STYXL1: variants seen among roughly 807,000 people sequenced by gnomAD.
STYXL1 encodes the protein serine/threonine/tyrosine-interacting-like protein 1.
Under a neutral mutation model 36.4 loss-of-function variants are expected in STYXL1, and 32 were observed. That is an observed-to-expected ratio of 0.88 (90% confidence interval 0.66 to 1.18). The LOEUF (loss-of-function observed/expected upper bound fraction) is 1.18. Among genes scored for constraint, STYXL1 ranks in the 50% most tolerant of loss-of-function variants. STYXL1 has a pLI of 0.00. For missense variants in STYXL1, 354 were observed against 394.1 expected (o/e 0.90, Z 0.86); for synonymous variants, 133 against 144.1 (o/e 0.92, Z 0.55).
intron 4 of STYXL1, among the ~76,000 whole-genome samples, chr7:76,016,610 C>T (rs1488778626): frequency 6.6e-6 from 1 of 152,034 alleles, no homozygotes; most frequent in Non-Finnish European, 1.5e-5. Flanking sequence ...AAAAGACATA[C>T]AAGCAGCCAA....
At chr7:76,022,141 T>C (rs1424799203) in intron 3 of STYXL1, 149 bp from the exon 4 acceptor site, 1 of 1,437,182 alleles carries the variant, frequency 7.0e-7, no homozygotes. Flanking sequence ...ACTGAGACAG[T>C]GGATGGAGAG....
chr7:76,018,435 G>A (rs1793660682), intron 4 of STYXL1, among the ~76,000 whole-genome samples: 1 of 151,214 alleles, frequency 6.6e-6, no homozygotes, highest in Non-Finnish European at 1.5e-5. Flanking sequence ...CTGTTGTCCA[G>A]GCTAGAGTAC....
intron 7 of STYXL1, among the ~76,000 whole-genome samples, chr7:76,001,816 T>C (rs1027866653): frequency 1.3e-5 from 2 of 149,644 alleles, no homozygotes; most frequent in African/African-American, 5.0e-5. Flanking sequence ...TTTTTTTTTT[T>C]CAATATAGAC....
intron 3 of STYXL1, among the ~76,000 whole-genome samples, chr7:76,025,793 C>G (rs1563503035): frequency 6.6e-6 from 1 of 151,564 alleles, no homozygotes; most frequent in Non-Finnish European, 1.5e-5. Context: ...GTCTCAAAAA[C>G]ACAAAAAGAC....
intron 1 of STYXL1, among the ~76,000 whole-genome samples, chr7:76,038,546 C>A (rs560881408): frequency 2.0e-4 from 30 of 151,954 alleles, no homozygotes; most frequent in Middle Eastern, 3.4e-3. Flanking sequence ...CTGCCTCAGC[C>A]TCCTGAGTAG....
intron 4 of STYXL1, among the ~76,000 whole-genome samples, chr7:76,019,734 G>C (rs1189917808): frequency 6.6e-6 from 1 of 152,044 alleles, no homozygotes; most frequent in African/African-American, 2.4e-5. Flanking sequence ...TCTGCAGCCA[G>C]GCTGAGAGAG....
chr7:76,035,736 C>T lies in STYXL1; in HGVS notation c.-4-5209G>A, dbSNP rs568041189. ...CAAAACTAAAAGCTGGCTCCTAACC[C>T]ATCTGGTCTATGGCTCATACCCATC... On this transcript the variant is annotated intron_variant, in intron 1 of 8. Transcript: ENST00000359697. 2.5e-4 allele frequency among the ~76,000 whole-genome samples: 37 copies of T among 149,846 alleles called. 4 individuals are homozygous for T. The highest frequency in any genetic ancestry group is 8.5e-4 in the African/African-American group (35 of 41,090).
intron 3 of STYXL1, among the ~76,000 whole-genome samples, chr7:76,026,706 C>T (rs941982521): frequency 5.9e-5 from 9 of 152,150 alleles, no homozygotes; most frequent in Admixed American, 1.3e-4. Context: ...AAGGACAGAC[C>T]AGCAGTTACA....
At position 76,030,540 on chromosome 7, in the gene STYXL1, A is replaced by G. The variant is rs1554578976; in HGVS notation, c.-4-13T>C. The G allele has an allele frequency of 6.7e-7, 1 of 1,488,384 alleles. No homozygotes were observed. The highest frequency in any genetic ancestry group is 1.7e-5 in the Admixed American group (1 of 59,822). 92.2% of individuals were successfully genotyped at this position (1,488,384 alleles called of 1,614,324 possible). ...ACCAGGCATCCTGCTGGGAAGAATC[A>G]ATAACACACAAGGGTAACATAACTC... On this transcript the variant is annotated splice_polypyrimidine_tract_variant and intron_variant, in intron 1 of 8. Transcript: ENST00000359697.
chr7:76,020,435 G>C (rs1166694634), intron 4 of STYXL1, among the ~76,000 whole-genome samples: 1 of 152,156 alleles, frequency 6.6e-6, no homozygotes, highest in Non-Finnish European at 1.5e-5. Context: ...GGCTAATGAA[G>C]AACACAGCAG....
At chr7:76,031,424 T>A (rs1207014514) in intron 1 of STYXL1, among the ~76,000 whole-genome samples, 1 of 144,308 alleles carries the variant, frequency 6.9e-6, no homozygotes. Flanking sequence ...GCTTCAAAAA[T>A]GTATAGTTGG....
intron 8 of STYXL1, among the ~76,000 whole-genome samples, chr7:75,998,090 C>T (rs888506047): frequency 6.6e-6 from 1 of 152,078 alleles, no homozygotes; most frequent in Non-Finnish European, 1.5e-5. Flanking sequence ...TAGAAAAATC[C>T]ATCCTAAAAT....
At chr7:76,026,060 C>T (rs960379260) in intron 3 of STYXL1, among the ~76,000 whole-genome samples, 3 of 150,578 alleles carry the variant, frequency 2.0e-5, no homozygotes, top group Admixed American at 6.6e-5. Context: ...GGCATGGTGG[C>T]GGGCGCCTAT....
At chr7:76,038,585 C>T (rs1554581329) in intron 1 of STYXL1, among the ~76,000 whole-genome samples, 1 of 151,854 alleles carries the variant, frequency 6.6e-6, no homozygotes, top group Non-Finnish European at 1.5e-5. Context: ...GCCACCACGC[C>T]TGGCTTTTTT....
At chr7:76,028,853 G>C (rs568291881) in intron 2 of STYXL1, 150 bp from the exon 3 acceptor site, 5 of 721,308 alleles carry the variant, frequency 6.9e-6, no homozygotes, top group Non-Finnish European at 9.6e-6. Context: ...GGCTGGGCGC[G>C]GTGGCATGCA....
At chr7:76,005,585 C>A (rs1181881736) in intron 5 of STYXL1, among the ~76,000 whole-genome samples, 181 bp from the exon 6 acceptor site, 1 of 152,062 alleles carries the variant, frequency 6.6e-6, no homozygotes, top group Non-Finnish European at 1.5e-5. Flanking sequence ...TGGCACAGGG[C>A]GAGTCATGAC....
chr7:76,006,243 G>T (rs1010049259), intron 5 of STYXL1, among the ~76,000 whole-genome samples: 27 of 151,770 alleles, frequency 1.8e-4, no homozygotes, highest in Non-Finnish European at 3.1e-4. Flanking sequence ...AGCTAATTTT[G>T]ATACTTTTAT....
chr7:76,038,598 AT>A (rs565060709), intron 1 of STYXL1, among the ~76,000 whole-genome samples: 4 of 145,792 alleles, frequency 2.7e-5, no homozygotes, highest in South Asian at 2.2e-4. Flanking sequence ...GCTTTTTTGT[AT>A]TTTTTTTTAG....
chr7:76,000,212 C>A (rs1790705174), intron 8 of STYXL1, among the ~76,000 whole-genome samples: 1 of 134,136 alleles, frequency 7.5e-6, no homozygotes, highest in Admixed American at 7.4e-5. Flanking sequence ...GAACAAGACT[C>A]CATCTCAAAA....
Sources: allele counts gnomAD v4.1 joint callset (sites outside exome capture counted in the v4.1 genomes callset), GRCh38; gene constraint gnomAD v4.1.1; transcripts MANE v1.5; gene names NCBI Gene and HGNC (gene_info 2026-07-23, HGNC 2026-07-21).